The following ROBO2 variants were observed in gnomAD, a reference collection of about 807,000 sequenced individuals.
ROBO2 encodes roundabout homolog 2.
Under a neutral mutation model 160.8 loss-of-function variants are expected in ROBO2, and 53 were observed. That is an observed-to-expected ratio of 0.33 (90% CI 0.26 to 0.41). ROBO2 has a LOEUF of 0.41. Ranked by LOEUF, ROBO2 falls within the 10% of genes least tolerant of loss-of-function variation. The pLI is 1.00. For synonymous variants in ROBO2, 664 were observed against 611.7 expected (o/e 1.09, Z -1.26); for missense variants, 1,577 against 1,722.4 (o/e 0.92, Z 1.49).
At chr3:77,079,654 T>C (rs1323465465) in intron 1 of ROBO2, among the ~76,000 whole-genome samples, 1 of 152,222 alleles carries the variant, frequency 6.6e-6, no homozygotes, top group Non-Finnish European at 1.5e-5. Flanking sequence ...CCCTTCTTTA[T>C]TAATTTATTT....
At chr3:77,422,855 T>C (rs2077837049) in intron 2 of ROBO2, among the ~76,000 whole-genome samples, 2 of 152,162 alleles carry the variant, frequency 1.3e-5, no homozygotes, top group African/African-American at 4.8e-5. Flanking sequence ...AATACTCAAG[T>C]ACCCTTTAAA....
At chr3:76,752,278 G>T (rs1184018601) in intron 2 of ROBO2, among the ~76,000 whole-genome samples, 1 of 151,668 alleles carries the variant, frequency 6.6e-6, no homozygotes, top group Non-Finnish European at 1.5e-5. Context: ...TCACACACCG[G>T]GGCCTGTAGT....
intron 2 of ROBO2, among the ~76,000 whole-genome samples, chr3:76,642,820 A>G (rs1301268557): frequency 1.3e-5 from 2 of 152,192 alleles, no homozygotes; most frequent in Non-Finnish European, 2.9e-5. Context: ...ATGAAATATT[A>G]AGTGAGCTCT....
At chr3:77,416,629 A>G (rs1361684577) in intron 2 of ROBO2, among the ~76,000 whole-genome samples, 5 of 151,402 alleles carry the variant, frequency 3.3e-5, no homozygotes, top group Non-Finnish European at 5.9e-5. Flanking sequence ...AGGCAGGAGA[A>G]TCACTTGAAA....
intron 2 of ROBO2, among the ~76,000 whole-genome samples, chr3:76,473,621 G>A (rs1182036282): frequency 1.3e-5 from 2 of 152,080 alleles, no homozygotes; most frequent in South Asian, 2.1e-4. Context: ...CTGGTGAGGC[G>A]ATCATATAAG....
At chr3:76,807,725 T>C (rs2064843354) in intron 2 of ROBO2, among the ~76,000 whole-genome samples, 1 of 152,092 alleles carries the variant, frequency 6.6e-6, no homozygotes, top group Non-Finnish European at 1.5e-5. Context: ...TTAAAGTCTC[T>C]GATATGCTTT....
intron 2 of ROBO2, among the ~76,000 whole-genome samples, chr3:77,462,006 G>A (rs551238595): frequency 3.9e-5 from 6 of 152,256 alleles, no homozygotes; most frequent in Non-Finnish European, 5.9e-5. Context: ...GATTACAGGC[G>A]TGAGCCACCA....
At chr3:76,152,094 G>T (rs2072230827) in intron 2 of ROBO2, among the ~76,000 whole-genome samples, 1 of 152,274 alleles carries the variant, frequency 6.6e-6, no homozygotes, top group East Asian at 1.9e-4. Flanking sequence ...TTGGTGGCCA[G>T]TGTTGTTGGT....
At chr3:76,531,770 T>C (rs986385239) in intron 2 of ROBO2, among the ~76,000 whole-genome samples, 2 of 152,150 alleles carry the variant, frequency 1.3e-5, no homozygotes, top group African/African-American at 4.8e-5. Flanking sequence ...AATTTTCCAA[T>C]ATGCCTAAAG....
intron 2 of ROBO2, among the ~76,000 whole-genome samples, chr3:77,277,157 C>CTTCTTTCTTTCTTTCCTTCT (rs2059895771): frequency 1.1e-5 from 1 of 88,138 alleles, no homozygotes; most frequent in Non-Finnish European, 2.3e-5. Context: ...TCCTTCTTTC[C>CTTCTTTCTTTCTTTCCTTCT]TTCTTTCTTT....
intron 1 of ROBO2, among the ~76,000 whole-genome samples, chr3:77,042,928 TA>T (rs1316517155): frequency 6.6e-6 from 1 of 152,244 alleles, no homozygotes; most frequent in Non-Finnish European, 1.5e-5. Flanking sequence ...AAGGCAATAT[TA>T]AATTTTTGTG....
At chr3:75,981,591 A>G (rs918182957) in intron 2 of ROBO2, among the ~76,000 whole-genome samples, 36 of 151,260 alleles carry the variant, frequency 2.4e-4, no homozygotes, top group African/African-American at 8.7e-4. Flanking sequence ...AAACTGTAAT[A>G]TAAAATTATT....
chr3:77,025,178 A>C (rs144075836), intron 2 of ROBO2, among the ~76,000 whole-genome samples: 90 of 152,258 alleles, frequency 5.9e-4, no homozygotes, highest in South Asian at 3.5e-3. Flanking sequence ...TATTTCTTTC[A>C]ATTTTTATTA....
chr3:76,283,094 CATAA>C (rs922373234), intron 2 of ROBO2, among the ~76,000 whole-genome samples: 49 of 52,314 alleles, frequency 9.4e-4, no homozygotes, highest in Non-Finnish European at 1.9e-3. Context: ...TTAAATAAAA[CATAA>C]ATAAATATAA....
At chr3:76,724,559 T>A (rs2093517571) in intron 2 of ROBO2, among the ~76,000 whole-genome samples, 1 of 152,176 alleles carries the variant, frequency 6.6e-6, no homozygotes, top group Non-Finnish European at 1.5e-5. Flanking sequence ...GAATTCCATT[T>A]CCCCAGCACT....
intron 2 of ROBO2, among the ~76,000 whole-genome samples, chr3:76,516,904 T>A (rs949987938): frequency 1.3e-5 from 2 of 152,172 alleles, no homozygotes; most frequent in African/African-American, 4.8e-5. Flanking sequence ...CAAGTCATGT[T>A]CAGGTTTTCT....
intron 2 of ROBO2, among the ~76,000 whole-genome samples, chr3:76,668,200 G>A (rs147015032): frequency 1.4e-3 from 210 of 152,008 alleles, no homozygotes; most frequent in South Asian, 9.8e-3. Flanking sequence ...CCTAGACTCT[G>A]GTGATCCTCC....
chr3:76,812,501 A>G (rs753337938), intron 2 of ROBO2, among the ~76,000 whole-genome samples: 1 of 150,200 alleles, frequency 6.7e-6, no homozygotes, highest in Admixed American at 6.7e-5. Context: ...GCCTTAATTT[A>G]AAAAAAAAGG....
chr3:76,779,728 T>G (rs1291279585), intron 2 of ROBO2, among the ~76,000 whole-genome samples: 2 of 150,954 alleles, frequency 1.3e-5, no homozygotes, highest in African/African-American at 4.8e-5. Flanking sequence ...GAAGTAAAAA[T>G]TTTCCTTTTT....
Sources: gnomAD v4.1 joint callset for allele counts (sites outside exome capture counted in the v4.1 genomes callset) on GRCh38, gnomAD v4.1.1 for gene constraint, MANE v1.5 for transcripts, NCBI Gene and HGNC (gene_info 2026-07-23, HGNC 2026-07-21) for gene names.